HEXB: variants seen among roughly 807,000 people sequenced by gnomAD.
HEXB encodes beta-hexosaminidase subunit beta.
Under a neutral mutation model 71.2 loss-of-function variants are expected in HEXB, and 51 were observed. The observed-to-expected ratio is 0.72, with a 90% CI of 0.57 to 0.90. HEXB has a LOEUF of 0.90. HEXB is among the 40% of genes least tolerant of loss of function. The probability of loss-of-function intolerance (pLI) is 0.00; values close to 1 mark genes in which losing one functional copy is unlikely to be tolerated. For missense variants in HEXB, 617 were observed against 677.0 expected (o/e 0.91, Z 0.98); for synonymous variants, 266 against 249.3 (o/e 1.07, Z -0.63).
upstream of HEXB, among the ~76,000 whole-genome samples, chr5:74,683,386 C>T (rs1251076450): frequency 1.3e-5 from 2 of 151,880 alleles, no homozygotes; most frequent in African/African-American, 4.8e-5. Context: ...TCACTGCAAC[C>T]TCTGCCTCCC....
chr5:74,653,664 CA>C (rs1413057596), intron 1 of HEXB, among the ~76,000 whole-genome samples: 5 of 152,078 alleles, frequency 3.3e-5, no homozygotes, highest in Non-Finnish European at 7.4e-5. Flanking sequence ...TACTTTTGGC[CA>C]AAAGTGATAC....
At chr5:74,651,990 C>G (rs114541150) in intron 1 of HEXB, among the ~76,000 whole-genome samples, 1,883 of 152,286 alleles carry the variant, frequency 0.012, 56 homozygotes, top group African/African-American at 0.043. Flanking sequence ...TTTGCCAGCT[C>G]TGTGTAAAAC....
At position 74,689,437 on chromosome 5, in the gene HEXB, T is replaced by A. The variant is rs1748946273; in HGVS notation, c.409T>A (p.Cys137Ser). Residue 137 changes from cysteine to serine, a missense_variant, in exon 2 of 14, where the codon TGT (cysteine) becomes AGT (serine). Coordinates refer to ENST00000261416, the MANE Select transcript of HEXB (RefSeq NM_000521.4). ...LLVSITLQSE[C>S]DAFPNISSDE... is the part of the protein sequence containing the mutation. ...TGTCTCAATCACCCTTCAGTCAGAG[T>A]GTGATGCTTTCCCCAACATATCTTC... The A allele has an allele frequency of 6.2e-7, 1 of 1,612,526 alleles. No homozygotes were observed.
At position 74,685,238 on chromosome 5, in the gene HEXB, G is replaced by C. The variant is rs755816625; in HGVS notation, c.-23G>C. The C allele has an allele frequency of 7.0e-5, 105 of 1,489,446 alleles. No individual in the cohort carries two copies. Among genetic ancestry groups the C allele is most frequent in the South Asian group, 1.0e-4 (8 of 78,756 alleles). The allele number at this position is 1,489,446 out of a possible 1,614,324, so 92.3% of individuals were successfully genotyped here. On this transcript the variant is annotated 5_prime_UTR_variant, in exon 1 of 14. Transcript: ENST00000261416. ...TCCCGAGGCTCCGGCTCGGCAGACC[G>C]GGCGGAAAGCAGCCGAGCGGCCATG... is the stretch of plus-strand genomic sequence containing the variant.
chr5:74,669,418 T>C (rs1561207660), intron 1 of HEXB, among the ~76,000 whole-genome samples: 1 of 152,190 alleles, frequency 6.6e-6, no homozygotes, highest in African/African-American at 2.4e-5. Context: ...TTTAAGTAAC[T>C]TACCTTATCA....
chr5:74,696,871 T>C lies in HEXB; in HGVS notation c.559-125T>C, dbSNP rs565905527. On this transcript the variant is annotated intron_variant, in intron 4 of 13. Transcript: ENST00000261416. ...ATTTGTCTTAGCCGGTAAATGTAAA[T>C]TTCATACATTTTTGTTGTTCTAAAT... The C allele has an allele frequency of 3.9e-6, 3 of 761,412 alleles. No homozygotes were observed. The East Asian group carries it at 8.0e-5, about 20-fold the overall frequency. The allele number at this position is 761,412 out of a possible 1,614,324, so 47.2% of individuals were successfully genotyped here. A position where few individuals can be genotyped will look rare whatever the true frequency, so the allele number is the denominator to read the frequency against.
In HEXB at chr5:74,697,838, A is replaced by G. The variant is rs1580384098; in HGVS notation, c.669+732A>G. ...TTTTTTGTAAGTGGCATTAGAAAGG[A>G]GTCCGGGAGCTCCTTTATACCTAGG... On this transcript the variant is annotated intron_variant, in intron 5 of 13. Transcript: ENST00000261416. Among the ~76,000 whole-genome samples the G allele has an allele frequency of 2.0e-5, 3 of 151,508 alleles. 1 individual carries two copies. The highest frequency in any genetic ancestry group is 1.3e-4 in the Admixed American group (2 of 15,202).
chr5:74,663,858 G>T (rs929445274), intron 1 of HEXB, among the ~76,000 whole-genome samples: 2 of 152,188 alleles, frequency 1.3e-5, no homozygotes, highest in African/African-American at 4.8e-5. Context: ...AGGCGTGGGG[G>T]CTCATGCCTG....
chr5:74,669,429 A>G (rs576786389), intron 1 of HEXB, among the ~76,000 whole-genome samples: 1 of 152,272 alleles, frequency 6.6e-6, no homozygotes, highest in Non-Finnish European at 1.5e-5. Flanking sequence ...TACCTTATCA[A>G]TAAATCTGGA....
intron 1 of HEXB, among the ~76,000 whole-genome samples, chr5:74,657,724 C>T (rs1244563020): frequency 3.9e-5 from 6 of 152,140 alleles, no homozygotes; most frequent in African/African-American, 7.2e-5. Context: ...GAACACTTGA[C>T]GCTTGTTATT....
At chr5:74,704,006 G>C (rs820832) in intron 5 of HEXB, among the ~76,000 whole-genome samples, 131,479 of 152,234 alleles carry the variant, frequency 0.86, 57,067 homozygotes, top group Non-Finnish European at 0.9. Context: ...AGGAATATAG[G>C]CACGTACGTT....
intron 1 of HEXB, among the ~76,000 whole-genome samples, chr5:74,656,541 A>AAAAT (rs1203898481): frequency 8.1e-6 from 1 of 123,412 alleles, no homozygotes; most frequent in Non-Finnish European, 1.5e-5. Flanking sequence ...AAAATAAAAT[A>AAAAT]AAAGTCAGGA....
rs1243951349 is a variant in HEXB at position 74,641,927 on chromosome 5, C to T, written c.-377+1369C>T. Reference sequence around the variant, plus strand: ...TAGTCACTTAGCAACAATGTCCCAGCTCTGCAGCTCGAGAGTGAGGGCCCC... The same window carrying T: ...TAGTCACTTAGCAACAATGTCCCAGTTCTGCAGCTCGAGAGTGAGGGCCCC... On this transcript the variant is annotated intron_variant, in intron 1 of 13. Coordinates refer to the HEXB transcript ENST00000511181. The surrounding 1 kb of genome is among the most constrained non-coding windows in gnomAD (Gnocchi z 4.1). Among the ~76,000 whole-genome samples, 1 of 152,190 alleles carries T rather than the reference C, an allele frequency of 6.6e-6. No homozygotes were observed.
chr5:74,685,112 G>A (rs565498779), upstream of HEXB: 28 of 832,200 alleles, frequency 3.4e-5, no homozygotes, highest in African/African-American at 5.6e-4. Context: ...GACGCTCCCG[G>A]GGCCTGGAGG....
intron 1 of HEXB, 56 bp downstream of exon 1, chr5:74,685,615 C>T (rs1050584004): frequency 7.5e-6 from 11 of 1,474,580 alleles, no homozygotes; most frequent in Non-Finnish European, 1.0e-5. Context: ...AGGCGGACCA[C>T]CCCGGAGCGC....
intron 1 of HEXB, among the ~76,000 whole-genome samples, chr5:74,667,515 C>T (rs1748454711): frequency 6.6e-6 from 1 of 152,194 alleles, no homozygotes; most frequent in Non-Finnish European, 1.5e-5. Context: ...GAGAGCTTCA[C>T]TCCAAGGAGG....
chr5:74,717,658 A>C (rs1237308896), intron 9 of HEXB, among the ~76,000 whole-genome samples: 4 of 151,842 alleles, frequency 2.6e-5, no homozygotes, highest in African/African-American at 7.3e-5. Context: ...AAAAACCTCA[A>C]ATTTTAAAAC....
At chr5:74,656,608 A>C (rs905270338) in intron 1 of HEXB, among the ~76,000 whole-genome samples, 1 of 152,092 alleles carries the variant, frequency 6.6e-6, no homozygotes, top group African/African-American at 2.4e-5. Flanking sequence ...GAACGTTCTA[A>C]AATCTTTTTG....
rs201448394 is a variant in HEXB, at chr5:74,721,104, C to A, written c.1614-14C>A. 436 of 1,585,130 alleles carry A rather than the reference C, an allele frequency of 2.8e-4. No individual in the cohort carries two copies. Among genetic ancestry groups the A allele is most frequent in the Non-Finnish European group, 3.5e-4 (409 of 1,153,938 alleles). ...TAAATCAATCTAAAATATCTTTATT[C>A]ATGTTATCTACAGACGTGGAATAGC... is the stretch of plus-strand genomic sequence containing the variant. On this transcript the variant is annotated splice_polypyrimidine_tract_variant and intron_variant, in intron 13 of 13. Transcript: ENST00000261416.
Sources: allele counts gnomAD v4.1 joint callset (sites outside exome capture counted in the v4.1 genomes callset), GRCh38; gene constraint gnomAD v4.1.1; non-coding constraint Gnocchi (gnomAD v3.1); transcripts MANE v1.5; gene names NCBI Gene and HGNC (gene_info 2026-07-23, HGNC 2026-07-21).